The following KIF5C variants were observed in gnomAD, a reference collection of about 807,000 sequenced individuals.
KIF5C encodes kinesin family member 5C, also known as kinesin heavy chain isoform 5C.
In KIF5C, 18 loss-of-function variants were observed where a neutral mutation model predicts 125.2. That is an observed-to-expected ratio of 0.14 (90% CI 0.10 to 0.21). KIF5C has a LOEUF of 0.21. KIF5C is among the 10% of genes least tolerant of loss of function. The probability of loss-of-function intolerance (pLI) is 1.00; values close to 1 mark genes in which losing one functional copy is unlikely to be tolerated. For missense variants in KIF5C, 780 were observed against 1,183.8 expected, an observed-to-expected ratio of 0.66 and a Z score of 5.01; for synonymous variants, 405 against 434.0, an observed-to-expected ratio of 0.93 and a Z score of 0.83.
rs1373071579 is a variant in KIF5C, at chr2:148,983,841, C to A, written c.1716+75C>A. On this transcript the variant is annotated intron_variant, in intron 15 of 25. Transcript: ENST00000435030. ...AGGGTCTGTGCTTTACTCTTTTAAG[C>A]ATTCAATGCTTAGCACTGTGCTTTG... 8 of 1,447,118 alleles carry A rather than the reference C, an allele frequency of 5.5e-6. No homozygotes were observed. In the East Asian group the frequency reaches 1.6e-4, roughly 30 times the overall value. The allele number at this position is 1,447,118 out of a possible 1,614,324, so 89.6% of individuals were successfully genotyped here. A position where few individuals can be genotyped will look rare whatever the true frequency, so the allele number is the denominator to read the frequency against.
intron 10 of KIF5C, among the ~76,000 whole-genome samples, chr2:148,954,314 T>C (rs1305189610): frequency 6.6e-6 from 1 of 152,226 alleles, no homozygotes; most frequent in Non-Finnish European, 1.5e-5. Context: ...TACGAGGCAG[T>C]AGAAAGTCAA....
intron 1 of KIF5C, among the ~76,000 whole-genome samples, chr2:148,919,432 A>T (rs1052455960): frequency 1.3e-5 from 2 of 152,186 alleles, no homozygotes; most frequent in African/African-American, 4.8e-5. Context: ...ATGTCATTTG[A>T]AAAGTGTATT....
intron 10 of KIF5C, 42 bp from the exon 11 acceptor site, chr2:148,961,929 G>T: frequency 6.3e-7 from 1 of 1,589,772 alleles, no homozygotes; most frequent in Non-Finnish European, 8.5e-7. Flanking sequence ...TTAGCTAATG[G>T]TAATAATTAG....
intron 18 of KIF5C, chr2:148,997,642 GTTAAC>G (rs1681718003): frequency 8.1e-6 from 3 of 368,272 alleles, no homozygotes. Context: ...TTTTGTCGGA[GTTAAC>G]TTCTAAGGAT....
intron 1 of KIF5C, among the ~76,000 whole-genome samples, chr2:148,903,561 T>C (rs1442166815): frequency 6.6e-6 from 1 of 152,218 alleles, no homozygotes; most frequent in Admixed American, 6.5e-5. Context: ...CAGGTGTGGC[T>C]CACTGTCTGA....
chr2:148,998,319 T>C (rs771013402), intron 18 of KIF5C, 81 bp from the exon 19 acceptor site: 34 of 1,533,684 alleles, frequency 2.2e-5, no homozygotes, highest in Non-Finnish European at 2.6e-5. Context: ...GGGAAGGAGG[T>C]AGGTCCAGAT....
chr2:148,938,463 T>A (rs1244455202), intron 4 of KIF5C, among the ~76,000 whole-genome samples: 1 of 152,194 alleles, frequency 6.6e-6, no homozygotes, highest in Non-Finnish European at 1.5e-5. Flanking sequence ...TTGCTTGACT[T>A]CTTTCTCTTG....
intron 16 of KIF5C, 88 bp from the exon 17 acceptor site, chr2:148,994,333 C>T: frequency 6.7e-7 from 1 of 1,493,592 alleles, no homozygotes; most frequent in Middle Eastern, 1.8e-4. Flanking sequence ...GGAACCCCTC[C>T]TCTCTCGCAT....
chr2:148,983,853 A>G, intron 15 of KIF5C, 87 bp downstream of exon 15: 1 of 1,367,194 alleles, frequency 7.3e-7, no homozygotes, highest in Non-Finnish European at 9.5e-7. Context: ...TTCAATGCTT[A>G]GCACTGTGCT....
At chr2:148,969,013 A>G (rs999296230) in intron 11 of KIF5C, among the ~76,000 whole-genome samples, 1 of 152,178 alleles carries the variant, frequency 6.6e-6, no homozygotes, top group African/African-American at 2.4e-5. Flanking sequence ...AGAGAATGCA[A>G]TTACCTTTCT....
At chr2:148,954,488 A>G (rs1056340090) in intron 10 of KIF5C, among the ~76,000 whole-genome samples, 1 of 152,220 alleles carries the variant, frequency 6.6e-6, no homozygotes, top group Admixed American at 6.5e-5. Flanking sequence ...ATTGTGTTGG[A>G]AGCCTATTTA....
intron 7 of KIF5C, among the ~76,000 whole-genome samples, chr2:148,944,897 A>G (rs577649130): frequency 2.0e-5 from 3 of 152,210 alleles, no homozygotes; most frequent in Admixed American, 6.5e-5. Context: ...TTCCCTAATG[A>G]TTAGTGATGT....
rs371432253 is a variant in KIF5C, at chr2:149,010,203, G to A, written c.2619G>A (p.Ala873=). The change falls in exon 24 of 26, where the codon GCG becomes GCA. Residue 873 remains alanine, a synonymous_variant. Coordinates refer to ENST00000435030, the MANE Select transcript of KIF5C (RefSeq NM_004522.3). ...PKLEKRLRAT[A]ERVKALESAL... is the part of the protein sequence containing the mutation. ...TGGAGAAGCGGCTGCGTGCCACGGC[G>A]GAGCGCGTCAAGGCTCTGGAGAGCG... 1.2e-5 allele frequency: 18 copies of A among 1,558,610 alleles called. No homozygotes were observed. The highest frequency in any genetic ancestry group is 1.7e-4 in the Middle Eastern group (1 of 6,000).
intron 10 of KIF5C, 143 bp from the exon 11 acceptor site, chr2:148,961,828 A>G: frequency 3.4e-6 from 4 of 1,174,330 alleles, no homozygotes; most frequent in Non-Finnish European, 4.7e-6. Context: ...TAGTCCAATT[A>G]GGAGGATGGT....
At chr2:148,877,520 G>A (rs1262010081) in intron 1 of KIF5C, among the ~76,000 whole-genome samples, 1 of 152,244 alleles carries the variant, frequency 6.6e-6, no homozygotes, top group Non-Finnish European at 1.5e-5. Context: ...ACAGCTCTCA[G>A]CCAGTATCTG....
chr2:149,026,188 G>A lies in KIF5C; in HGVS notation c.*3118G>A, dbSNP rs780312078. ...TACTGGGAAAGGCAGAGGGTGGAGGGAAGATTTCACTTCATTGTCTAGCCC... is the reference window on the plus strand; with the variant it reads ...TACTGGGAAAGGCAGAGGGTGGAGGAAAGATTTCACTTCATTGTCTAGCCC... On this transcript the variant is annotated 3_prime_UTR_variant, in exon 26 of 26. Coordinates refer to ENST00000435030, the MANE Select transcript of KIF5C (RefSeq NM_004522.3). 1.3e-5 allele frequency: 2 copies of A among 152,454 alleles called. No individual in the cohort carries two copies. Among genetic ancestry groups the A allele is most frequent in the African/African-American group, 4.8e-5 (2 of 41,438 alleles). 9.4% of individuals were successfully genotyped at this position (152,454 alleles called of 1,614,324 possible).
At chr2:148,946,832 T>C (rs1275065606) in intron 7 of KIF5C, 67 bp from the exon 8 acceptor site, 2 of 1,586,490 alleles carry the variant, frequency 1.3e-6, no homozygotes, top group Non-Finnish European at 1.7e-6. Flanking sequence ...TTATGCTTTT[T>C]AAATGAGAGG....
intron 1 of KIF5C, among the ~76,000 whole-genome samples, chr2:148,914,927 G>A (rs940288110): frequency 9.9e-5 from 15 of 152,228 alleles, no homozygotes; most frequent in African/African-American, 3.4e-4. Context: ...CTCCCTGTGA[G>A]GCTGCCATTG....
intron 1 of KIF5C, chr2:148,885,584 A>G (rs757268897): frequency 1.2e-4 from 19 of 152,248 alleles, no homozygotes; most frequent in Non-Finnish European, 1.6e-4. Flanking sequence ...ACGCTGGAAA[A>G]TACGTCCACA....
Sources: gnomAD v4.1 joint callset for allele counts (sites outside exome capture counted in the v4.1 genomes callset) on GRCh38, gnomAD v4.1.1 for gene constraint, MANE v1.5 for transcripts, NCBI Gene and HGNC (gene_info 2026-07-23, HGNC 2026-07-21) for gene names.